The following FAT3 variants were observed in gnomAD, a reference collection of about 807,000 sequenced individuals.
FAT3 encodes protocadherin Fat 3.
Under a neutral mutation model 310.2 loss-of-function variants are expected in FAT3, and 95 were observed. The ratio of observed to expected loss-of-function variants is 0.31; its 90% CI spans 0.26 to 0.36. The LOEUF (loss-of-function observed/expected upper bound fraction) is 0.36, where lower values mean the gene tolerates loss of function less well. Among genes scored for constraint, FAT3 ranks in the 10% least tolerant of loss-of-function variants. The pLI, the probability that FAT3 is intolerant of heterozygous loss-of-function variation, is 1.00. For missense variants in FAT3, 5,408 were observed against 5,715.6 expected (o/e 0.95, Z 1.74); for synonymous variants, 2,314 against 2,192.9 (o/e 1.06, Z -1.54).
rs116399032 is a variant in FAT3, at chr11:92,302,226, G to A, written c.-17-49870G>A. On this transcript the variant is annotated intron_variant, in intron 1 of 27. Transcript: ENST00000525166. Reference sequence around the variant, plus strand: ...AAGATGTAAAGTATTTCTTTGTAATGTTTTAAAATACTGCTAGGTAATAAT... The same window carrying A: ...AAGATGTAAAGTATTTCTTTGTAATATTTTAAAATACTGCTAGGTAATAAT... Among the ~76,000 whole-genome samples, 886 of 152,096 alleles carry A rather than the reference G, an allele frequency of 5.8e-3. 12 individuals carry two copies. The highest frequency in any genetic ancestry group is 0.02 in the African/African-American group (825 of 41,524).
chr11:92,402,934 TAAAG>T (rs1229869609), intron 2 of FAT3, among the ~76,000 whole-genome samples: 2 of 151,238 alleles, frequency 1.3e-5, no homozygotes, highest in Non-Finnish European at 2.9e-5. Flanking sequence ...GAAAAAACCT[TAAAG>T]GAAGGTGGGG....
At chr11:92,842,802 TCA>T (rs1948584848) in intron 18 of FAT3, among the ~76,000 whole-genome samples, 1 of 152,134 alleles carries the variant, frequency 6.6e-6, no homozygotes, top group South Asian at 2.1e-4. Flanking sequence ...TCACTTGAGC[TCA>T]GGAGGTTGAG....
At chr11:92,474,558 G>A (rs764653690) in intron 2 of FAT3, among the ~76,000 whole-genome samples, 32 of 152,212 alleles carry the variant, frequency 2.1e-4, no homozygotes, top group Admixed American at 9.8e-4. Context: ...TGCTCAGGGT[G>A]CAGTGTAGGT....
intron 1 of FAT3, among the ~76,000 whole-genome samples, chr11:92,289,669 A>G (rs996114732): frequency 2.6e-5 from 4 of 152,104 alleles, no homozygotes; most frequent in African/African-American, 9.7e-5. Context: ...GTCCAAGTCA[A>G]GAAGACAGGG....
chr11:92,619,620 A>AT (rs1372028501), intron 3 of FAT3, among the ~76,000 whole-genome samples: 1 of 150,420 alleles, frequency 6.6e-6, no homozygotes, highest in Non-Finnish European at 1.5e-5. Context: ...GATTTTTTTC[A>AT]TTTTTTCTAA....
chr11:92,887,222 T>C, intron 25 of FAT3, 109 bp downstream of exon 25: 1 of 921,368 alleles, frequency 1.1e-6, no homozygotes, highest in South Asian at 1.6e-5. Flanking sequence ...AACCTGTTCA[T>C]GGGCTTTTGA....
At chr11:92,523,405 G>GT (rs1475000241) in intron 2 of FAT3, among the ~76,000 whole-genome samples, 3 of 152,062 alleles carry the variant, frequency 2.0e-5, no homozygotes, top group Non-Finnish European at 4.4e-5. Flanking sequence ...CATCAATCCG[G>GT]TTATCACCCT....
chr11:92,792,539 C>T (rs908827866), intron 8 of FAT3, among the ~76,000 whole-genome samples: 3 of 152,138 alleles, frequency 2.0e-5, no homozygotes, highest in Non-Finnish European at 2.9e-5. Flanking sequence ...AGACCACAGG[C>T]CAGACATTAG....
chr11:92,271,862 A>G (rs1946131628), intron 1 of FAT3, among the ~76,000 whole-genome samples: 1 of 152,138 alleles, frequency 6.6e-6, no homozygotes, highest in African/African-American at 2.4e-5. Flanking sequence ...ACGTGCTGGA[A>G]GTGGATTTAC....
chr11:92,608,025 T>C (rs1940385094), intron 3 of FAT3, among the ~76,000 whole-genome samples: 1 of 151,998 alleles, frequency 6.6e-6, no homozygotes, highest in African/African-American at 2.4e-5. Context: ...TAAAATGAAA[T>C]ACTACAAATA....
At chr11:92,863,723 C>T (rs1256709289) in intron 21 of FAT3, among the ~76,000 whole-genome samples, 1 of 152,210 alleles carries the variant, frequency 6.6e-6, no homozygotes, top group African/African-American at 2.4e-5. Context: ...ATACTTAAAA[C>T]TAGGTGAACC....
In FAT3 at chr11:92,844,638, G is replaced by A. The variant is rs1193926035; in HGVS notation, c.11271G>A (p.Leu3757=). Residue 3757 remains leucine, a synonymous_variant, in exon 19 of 28, where the codon TTG becomes TTA. Coordinates refer to ENST00000525166, the MANE Select transcript of FAT3 (RefSeq NM_001367949.2). ...AGGAACAGCATTGTGAGCAAGGCTT[G>A]TCACTCGATTCCCACGCGCTCATGA... is the stretch of plus-strand genomic sequence containing the variant. ...DCQEQHCEQG[L]SLDSHALMTY... is the part of the protein sequence containing the mutation. The A allele has an allele frequency of 1.9e-6, 3 of 1,611,962 alleles. No individual in the cohort carries two copies. The highest frequency in any genetic ancestry group is 2.5e-6 in the Non-Finnish European group (3 of 1,179,036).
chr11:92,528,019 A>G (rs1270858213), intron 3 of FAT3, among the ~76,000 whole-genome samples: 3 of 152,238 alleles, frequency 2.0e-5, no homozygotes, highest in Non-Finnish European at 2.9e-5. Flanking sequence ...GCTACATAAT[A>G]AAGATTAAAA....
intron 9 of FAT3, among the ~76,000 whole-genome samples, chr11:92,796,036 C>G (rs1947163632): frequency 6.6e-6 from 1 of 152,138 alleles, no homozygotes; most frequent in Non-Finnish European, 1.5e-5. Context: ...AGAAACTCTG[C>G]AGTCGGGCAC....
At chr11:92,254,719 T>A (rs961265074) in intron 1 of FAT3, among the ~76,000 whole-genome samples, 50 of 152,180 alleles carry the variant, frequency 3.3e-4, no homozygotes, top group African/African-American at 9.9e-4. Context: ...TATTATTATT[T>A]TTTGAGGTGG....
intron 3 of FAT3, among the ~76,000 whole-genome samples, chr11:92,558,560 C>T (rs537285148): frequency 1.3e-5 from 2 of 152,212 alleles, no homozygotes; most frequent in African/African-American, 4.8e-5. Context: ...ATGAAGCAGG[C>T]TTAGCTCATC....
Position 92,806,809 on chromosome 11 carries a change from T to C in FAT3, c.9247+294T>C, listed in dbSNP as rs530450096. Among the ~76,000 whole-genome samples the C allele has an allele frequency of 4.6e-5, 7 of 152,116 alleles. No individual in the cohort carries two copies. In the East Asian group the frequency reaches 1.4e-3, roughly 29 times the overall value. On this transcript the variant is annotated intron_variant, in intron 12 of 27. Coordinates refer to ENST00000525166, the MANE Select transcript of FAT3 (RefSeq NM_001367949.2). ...AGGCTGTTGCTAGGGGAGAGGGAAG[T>C]TGGGGGACTGTAGGCAATTTTAGAG...
intron 3 of FAT3, among the ~76,000 whole-genome samples, chr11:92,558,340 G>A (rs1955094016): frequency 6.6e-6 from 1 of 151,844 alleles, no homozygotes; most frequent in African/African-American, 2.4e-5. Flanking sequence ...TTTTCAAGTG[G>A]TCTCAGAAGC....
chr11:92,704,818 T>G (rs558188051), intron 4 of FAT3, among the ~76,000 whole-genome samples: 1 of 152,260 alleles, frequency 6.6e-6, no homozygotes, highest in Non-Finnish European at 1.5e-5. Context: ...GCAGCCAGAT[T>G]TCATCAACTG....
Sources: gnomAD v4.1 joint callset for allele counts (sites outside exome capture counted in the v4.1 genomes callset) on GRCh38, gnomAD v4.1.1 for gene constraint, MANE v1.5 for transcripts, NCBI Gene and HGNC (gene_info 2026-07-23, HGNC 2026-07-21) for gene names.